Variants in EPC1 observed in about 807,000 individuals in gnomAD.
EPC1 encodes the protein enhancer of polycomb homolog 1.
A neutral mutation model predicts 98.4 loss-of-function variants in EPC1; 12 were observed. That is an observed-to-expected ratio of 0.12 (90% CI 0.08 to 0.20). The LOEUF (loss-of-function observed/expected upper bound fraction) is 0.20. Ranked by LOEUF, EPC1 falls within the 10% of genes least tolerant of loss-of-function variation. The pLI, the probability that EPC1 is intolerant of heterozygous loss-of-function variation, is 1.00. For missense variants in EPC1, 729 were observed against 990.5 expected, an observed-to-expected ratio of 0.74 and a Z score of 3.54; for synonymous variants, 357 against 363.9, an observed-to-expected ratio of 0.98 and a Z score of 0.21.
At position 32,372,357 on chromosome 10, in the gene EPC1, G is replaced by A. The variant is rs530994760; in HGVS notation, c.3+6134C>T. ...GGTGAAAGCTTCCATATATGCCAAA[G>A]TTATAAAGACTGAAACATTTCAGTA... is the stretch of plus-strand genomic sequence containing the variant. On this transcript the variant is annotated intron_variant, in intron 1 of 13. Transcript: ENST00000375110. Among the ~76,000 whole-genome samples the A allele has an allele frequency of 1.8e-3, 274 of 152,294 alleles. 2 individuals carry two copies. Among genetic ancestry groups the A allele is most frequent in the African/African-American group, 6.3e-3 (261 of 41,562 alleles).
intron 1 of EPC1, among the ~76,000 whole-genome samples, chr10:32,329,626 T>C (rs986251929): frequency 1.3e-5 from 2 of 152,146 alleles, no homozygotes; most frequent in African/African-American, 4.8e-5. Context: ...TAAATTACAA[T>C]AGGAGTTATG....
rs12254202 is a variant in EPC1 at position 32,362,266 on chromosome 10, G to C, written c.3+16225C>G. 7.7e-3 allele frequency among the ~76,000 whole-genome samples: 1,167 copies of C among 152,124 alleles called. 8 individuals carry two copies. The highest frequency in any genetic ancestry group is 0.026 in the African/African-American group (1,097 of 41,512). Reference sequence around the variant, plus strand: ...TAACAAAAGCATGTGATATAGTTTAGATATGTGTCCCTGCCAAAATCTCAT... The same window carrying C: ...TAACAAAAGCATGTGATATAGTTTACATATGTGTCCCTGCCAAAATCTCAT... On this transcript the variant is annotated intron_variant, in intron 1 of 13. Coordinates refer to the EPC1 transcript ENST00000375110.
At chr10:32,353,080 A>G (rs1332776755) in intron 1 of EPC1, among the ~76,000 whole-genome samples, 1 of 150,982 alleles carries the variant, frequency 6.6e-6, no homozygotes, top group African/African-American at 2.4e-5. Flanking sequence ...CCTTGAACCA[A>G]GGAGGCGGAG....
chr10:32,277,132 CA>C (rs1322986401), intron 10 of EPC1, among the ~76,000 whole-genome samples: 2 of 152,162 alleles, frequency 1.3e-5, no homozygotes, highest in Admixed American at 1.3e-4. Flanking sequence ...TTAATATTTA[CA>C]AGAAATCTAT....
chr10:32,273,038 T>C (rs749958590), intron 11 of EPC1, 125 bp downstream of exon 11: 1 of 1,614,188 alleles, frequency 6.2e-7, no homozygotes, highest in East Asian at 2.2e-5. Flanking sequence ...CTAAACCCTG[T>C]ATATTCAGGC....
intron 1 of EPC1, among the ~76,000 whole-genome samples, chr10:32,366,454 A>G (rs1057410262): frequency 2.0e-5 from 3 of 152,216 alleles, no homozygotes; most frequent in Non-Finnish European, 4.4e-5. Flanking sequence ...GTAATTTTTC[A>G]TGAAGTTACC....
intron 1 of EPC1, among the ~76,000 whole-genome samples, chr10:32,315,416 T>C (rs1300070060): frequency 6.6e-6 from 1 of 152,248 alleles, no homozygotes; most frequent in East Asian, 1.9e-4. Flanking sequence ...ATTAAATTTT[T>C]ATTTAAGCAA....
chr10:32,284,667 T>C (rs760560317), intron 10 of EPC1, 31 bp downstream of exon 10: 5 of 1,536,664 alleles, frequency 3.3e-6, no homozygotes, highest in South Asian at 1.2e-5. Context: ...GACATTTCTA[T>C]AGAAACGTAC....
At position 32,347,014 on chromosome 10, in the gene EPC1, G is replaced by A. The variant is rs1838881972; in HGVS notation, c.-99C>T. ...CGGTCCCCACTCGCCAACCGCTGCC[G>A]GGGACTTGAGGGGCGGAGCGCAGAG... is the stretch of plus-strand genomic sequence containing the variant. On this transcript the variant is annotated 5_prime_UTR_variant, in exon 1 of 14. Coordinates refer to ENST00000319778, the MANE Select transcript of EPC1 (RefSeq NM_001272004.3). The A allele has an allele frequency of 1.3e-6, 2 of 1,515,704 alleles. No individual in the cohort carries two copies. Among genetic ancestry groups the A allele is most frequent in the African/African-American group, 1.4e-5 (1 of 72,678 alleles). The allele number at this position is 1,515,704 out of a possible 1,614,324, so 93.9% of individuals were successfully genotyped here. A position where few individuals can be genotyped will look rare whatever the true frequency, so the allele number is the denominator to read the frequency against.
At chr10:32,376,818 T>C (rs1254892160) in intron 1 of EPC1, among the ~76,000 whole-genome samples, 2 of 152,164 alleles carry the variant, frequency 1.3e-5, no homozygotes, top group Admixed American at 6.6e-5. Flanking sequence ...TTCAATCTTA[T>C]GGAAAAGTGG....
chr10:32,336,980 A>T (rs1838014252), intron 1 of EPC1, among the ~76,000 whole-genome samples: 1 of 152,126 alleles, frequency 6.6e-6, no homozygotes. Flanking sequence ...TGTCTCTGTT[A>T]ATTTTTTCCC....
At position 32,271,401 on chromosome 10, in the gene EPC1, T is replaced by C. The variant is rs565451439; in HGVS notation, c.2369+153A>G. Among the ~76,000 whole-genome samples the C allele has an allele frequency of 2.0e-5, 3 of 152,302 alleles. No individual in the cohort carries two copies. In the East Asian group the frequency reaches 5.8e-4, roughly 29 times the overall value. ...ATTAAGTGTTCAAGAACTGTTTAGT[T>C]CTTGAATAAATAAGTGATCAATTCT... On this transcript the variant is annotated intron_variant, in intron 13 of 13. Transcript: ENST00000319778.
At chr10:32,329,298 T>G (rs1330983425) in intron 1 of EPC1, among the ~76,000 whole-genome samples, 1 of 152,220 alleles carries the variant, frequency 6.6e-6, no homozygotes, top group Non-Finnish European at 1.5e-5. Flanking sequence ...CCTGTCTGCA[T>G]CCTGGAGTGA....
chr10:32,300,237 A>AT (rs1428343956), intron 2 of EPC1, among the ~76,000 whole-genome samples: 2 of 151,132 alleles, frequency 1.3e-5, no homozygotes, highest in East Asian at 3.9e-4. Flanking sequence ...TAACTCTAGC[A>AT]TTTTTTTTAA....
intron 1 of EPC1, among the ~76,000 whole-genome samples, chr10:32,335,139 T>C (rs1592610389): frequency 1.3e-5 from 2 of 152,304 alleles, no homozygotes; most frequent in East Asian, 3.9e-4. Flanking sequence ...AATGGTCCTC[T>C]ACAGTTTAGA....
At chr10:32,321,998 G>C (rs1193956384) in intron 1 of EPC1, among the ~76,000 whole-genome samples, 1 of 150,338 alleles carries the variant, frequency 6.7e-6, no homozygotes, top group Non-Finnish European at 1.5e-5. Flanking sequence ...TCTTAGCTTC[G>C]CTTACAGGAT....
chr10:32,285,231 A>G, intron 9 of EPC1, 181 bp from the exon 10 acceptor site: 1 of 483,144 alleles, frequency 2.1e-6, no homozygotes, highest in Non-Finnish European at 3.6e-6. Flanking sequence ...TTCTAATAAA[A>G]GTTCTTTTAA....
At chr10:32,344,317 A>G (rs948593839) in intron 1 of EPC1, among the ~76,000 whole-genome samples, 1 of 152,336 alleles carries the variant, frequency 6.6e-6, no homozygotes, top group African/African-American at 2.4e-5. Flanking sequence ...CATTAGGTTC[A>G]GTGTCTATTC....
chr10:32,332,177 A>G (rs1837677091), intron 1 of EPC1, among the ~76,000 whole-genome samples: 1 of 152,236 alleles, frequency 6.6e-6, no homozygotes, highest in African/African-American at 2.4e-5. Context: ...CTGTTTTCCA[A>G]AAGTGCTGTG....
Sources: gnomAD v4.1 joint callset for allele counts (sites outside exome capture counted in the v4.1 genomes callset) on GRCh38, gnomAD v4.1.1 for gene constraint, MANE v1.5 for transcripts, NCBI Gene and HGNC (gene_info 2026-07-23, HGNC 2026-07-21) for gene names.